NLK: variants seen among roughly 807,000 people sequenced by gnomAD.
NLK encodes serine/threonine-protein kinase NLK.
In NLK, 11 loss-of-function variants were observed where a neutral mutation model predicts 59.0. The observed-to-expected ratio is 0.19, with a 90% CI of 0.12 to 0.31. The LOEUF (loss-of-function observed/expected upper bound fraction) is 0.31, where lower values mean the gene tolerates loss of function less well. NLK is among the 10% of genes least tolerant of loss of function. NLK has a pLI of 1.00. For synonymous variants in NLK, 235 were observed against 235.9 expected, an observed-to-expected ratio of 1.00 and a Z score of 0.03; for missense variants, 410 against 661.1, an observed-to-expected ratio of 0.62 and a Z score of 4.16.
chr17:28,113,944 A>C (rs1905638938), intron 1 of NLK, among the ~76,000 whole-genome samples: 1 of 152,044 alleles, frequency 6.6e-6, no homozygotes, highest in Non-Finnish European at 1.5e-5. Flanking sequence ...TTATAGTTTA[A>C]CTTTGCCTTT....
intron 1 of NLK, among the ~76,000 whole-genome samples, chr17:28,111,892 GT>G (rs1424051647): frequency 4.1e-3 from 474 of 114,298 alleles, no homozygotes; most frequent in African/African-American, 0.014. Flanking sequence ...GTGTGTGTGT[GT>G]GTGGTGTGTG....
chr17:28,101,895 T>A (rs1904915022), intron 1 of NLK, among the ~76,000 whole-genome samples: 1 of 152,246 alleles, frequency 6.6e-6, no homozygotes, highest in African/African-American at 2.4e-5. Flanking sequence ...TCTCTATTTC[T>A]TGTATAAATT....
At chr17:28,191,693 G>T (rs1909312551) in intron 9 of NLK, among the ~76,000 whole-genome samples, 1 of 152,168 alleles carries the variant, frequency 6.6e-6, no homozygotes, top group Non-Finnish European at 1.5e-5. Context: ...TGATTTTAGT[G>T]TCTACTGTAG....
At chr17:28,077,061 TTC>T (rs1373214297) in intron 1 of NLK, among the ~76,000 whole-genome samples, 40 of 148,656 alleles carry the variant, frequency 2.7e-4, no homozygotes, top group Non-Finnish European at 1.2e-4. Context: ...TGCTTTGTAC[TTC>T]TCTTTCTTTC....
chr17:28,087,913 A>C (rs945286793), intron 1 of NLK, among the ~76,000 whole-genome samples: 2 of 152,044 alleles, frequency 1.3e-5, no homozygotes, highest in Non-Finnish European at 2.9e-5. Context: ...CAAAGTTTAT[A>C]GCTTAATATG....
At chr17:28,094,827 C>G (rs1195122121) in intron 1 of NLK, among the ~76,000 whole-genome samples, 2 of 152,182 alleles carry the variant, frequency 1.3e-5, no homozygotes, top group African/African-American at 4.8e-5. Flanking sequence ...TAGAGTAGAA[C>G]TAGCCTTTGA....
intron 7 of NLK, among the ~76,000 whole-genome samples, chr17:28,184,103 T>TC (rs1909022645): frequency 6.6e-6 from 1 of 152,236 alleles, no homozygotes; most frequent in African/African-American, 2.4e-5. Flanking sequence ...TATGGCCATG[T>TC]GGATATGCCT....
intron 7 of NLK, among the ~76,000 whole-genome samples, 179 bp from the exon 8 acceptor site, chr17:28,185,000 G>C (rs1170638790): frequency 2.6e-5 from 4 of 152,064 alleles, no homozygotes; most frequent in African/African-American, 9.7e-5. Context: ...AATGCTACGG[G>C]AAGTTAGTAA....
At chr17:28,079,497 A>G (rs1910271895) in intron 1 of NLK, among the ~76,000 whole-genome samples, 1 of 152,192 alleles carries the variant, frequency 6.6e-6, no homozygotes, top group Non-Finnish European at 1.5e-5. Flanking sequence ...CATGGGTTCC[A>G]TTATTTTCAC....
chr17:28,087,742 A>T (rs760570749), intron 1 of NLK, among the ~76,000 whole-genome samples: 1 of 151,312 alleles, frequency 6.6e-6, no homozygotes, highest in Non-Finnish European at 1.5e-5. Flanking sequence ...CAAGTTTTTG[A>T]AAGTGACCTT....
In NLK at chr17:28,163,535, T is replaced by C. The variant is rs1263271721; in HGVS notation, c.752-8T>C. ...AATATCTGCAATTAAATCTGTTTGT[T>C]ATTTCAGGTTTGAAATATCTCCATT... On this transcript the variant is annotated splice_polypyrimidine_tract_variant and splice_region_variant and intron_variant, in intron 4 of 10. Coordinates refer to ENST00000407008, the MANE Select transcript of NLK (RefSeq NM_016231.5). The C allele has an allele frequency of 6.5e-7, 1 of 1,545,398 alleles. No individual in the cohort carries two copies.
At chr17:28,150,527 G>C (rs1001243704) in intron 3 of NLK, among the ~76,000 whole-genome samples, 4 of 152,134 alleles carry the variant, frequency 2.6e-5, no homozygotes, top group African/African-American at 9.7e-5. Context: ...GTTCTCCAGT[G>C]ACTAACATGA....
chr17:28,086,415 A>C (rs1357397198), intron 1 of NLK, among the ~76,000 whole-genome samples: 1 of 152,150 alleles, frequency 6.6e-6, no homozygotes, highest in Non-Finnish European at 1.5e-5. Flanking sequence ...CTTTGAAAAA[A>C]ACTGAAGTTC....
At chr17:28,124,121 T>A (rs1054581885) in intron 2 of NLK, among the ~76,000 whole-genome samples, 1 of 152,242 alleles carries the variant, frequency 6.6e-6, no homozygotes, top group African/African-American at 2.4e-5. Flanking sequence ...ATATTTCATT[T>A]TAATGATTAT....
At chr17:28,044,062 G>A (rs187822118) in intron 1 of NLK, among the ~76,000 whole-genome samples, 1 of 152,344 alleles carries the variant, frequency 6.6e-6, no homozygotes, top group African/African-American at 2.4e-5. Context: ...GTCAGTTGCT[G>A]TAGTAGGAAA....
At chr17:28,101,028 G>C (rs937410055) in intron 1 of NLK, among the ~76,000 whole-genome samples, 2 of 152,018 alleles carry the variant, frequency 1.3e-5, no homozygotes, top group Non-Finnish European at 2.9e-5. Flanking sequence ...ATCACCATTG[G>C]TTTAAAAAGC....
Position 28,043,186 on chromosome 17 carries a change from C to A in NLK, c.313C>A (p.Pro105Thr). ...ACCGGCACCGGGGCAGGCTCCTGGA[C>A]CAGCTGCAGCAGCCCCAGCTCAGGT... ...PSPAPGQAPG[P>T]AAAAPAQVQA... The change falls in exon 1 of 11, where the codon CCA (proline) becomes ACA (threonine). Residue 105 changes from proline to threonine, a missense_variant. Transcript: ENST00000407008. The A allele has an allele frequency of 6.2e-7, 1 of 1,613,956 alleles. No homozygotes were observed. Among genetic ancestry groups the A allele is most frequent in the Non-Finnish European group, 8.5e-7 (1 of 1,179,872 alleles).
intron 1 of NLK, among the ~76,000 whole-genome samples, chr17:28,052,817 G>T (rs1321320001): frequency 6.7e-6 from 1 of 149,796 alleles, no homozygotes; most frequent in Non-Finnish European, 1.5e-5. Flanking sequence ...TCTCAGTTTG[G>T]TCTAACCACA....
intron 8 of NLK, among the ~76,000 whole-genome samples, chr17:28,190,260 A>G (rs2142073110): frequency 6.6e-6 from 1 of 152,254 alleles, no homozygotes; most frequent in Middle Eastern, 3.4e-3. Context: ...TTTTTCATGG[A>G]GTAATGTTAA....
Sources: gnomAD v4.1 joint callset for allele counts (sites outside exome capture counted in the v4.1 genomes callset) on GRCh38, gnomAD v4.1.1 for gene constraint, MANE v1.5 for transcripts, NCBI Gene and HGNC (gene_info 2026-07-23, HGNC 2026-07-21) for gene names.